Variants in TRMT11 observed in about 807,000 individuals in gnomAD.
TRMT11 encodes the protein tRNA (guanine(10)-N(2))-methyltransferase TRMT11.
Under a neutral mutation model 62.8 loss-of-function variants are expected in TRMT11, and 53 were observed. The ratio of observed to expected loss-of-function variants is 0.84; its 90% CI spans 0.68 to 1.06. The LOEUF (loss-of-function observed/expected upper bound fraction) is 1.06, where lower values mean the gene tolerates loss of function less well. TRMT11 is among the 50% of genes least tolerant of loss of function. The pLI, the probability that TRMT11 is intolerant of heterozygous loss-of-function variation, is 0.00. For synonymous variants in TRMT11, 188 were observed against 190.3 expected, an observed-to-expected ratio of 0.99 and a Z score of 0.10; for missense variants, 556 against 553.4, an observed-to-expected ratio of 1.00 and a Z score of -0.05.
intron 12 of TRMT11, among the ~76,000 whole-genome samples, chr6:126,037,643 T>C (rs571736819): frequency 6.6e-6 from 1 of 152,182 alleles, no homozygotes; most frequent in Admixed American, 6.6e-5. Flanking sequence ...TAAAAATATA[T>C]GTGGCAAAAA....
the TRMT11 span, among the ~76,000 whole-genome samples, chr6:126,256,104 A>C: frequency 6.6e-6 from 1 of 152,190 alleles, no homozygotes; most frequent in Non-Finnish European, 1.5e-5. Context: ...CATGACCTAC[A>C]GGCTGGTGCT....
chr6:126,122,098 T>C (rs2128197637), intron 21 of TRMT11, among the ~76,000 whole-genome samples: 1 of 152,124 alleles, frequency 6.6e-6, no homozygotes, highest in East Asian at 1.9e-4. Flanking sequence ...TAAAGGGGCG[T>C]TCCCCTGCAC....
At chr6:126,092,736 T>G (rs1300536528) in intron 17 of TRMT11, among the ~76,000 whole-genome samples, 1 of 152,238 alleles carries the variant, frequency 6.6e-6, no homozygotes, top group East Asian at 1.9e-4. Flanking sequence ...CAATTGCAAC[T>G]TCTGCATTTG....
At chr6:126,021,087 A>G in intron 11 of TRMT11, 73 bp from the exon 12 acceptor site, 1 of 1,581,016 alleles carries the variant, frequency 6.3e-7, no homozygotes, top group Non-Finnish European at 8.7e-7. Flanking sequence ...CCCACACTAC[A>G]CTGGACGATC....
intron 21 of TRMT11, among the ~76,000 whole-genome samples, chr6:126,163,632 A>G (rs1778223794): frequency 6.6e-6 from 1 of 152,214 alleles, no homozygotes; most frequent in Admixed American, 6.5e-5. Flanking sequence ...GAATGGTACC[A>G]GCTCCTCTTT....
intron 21 of TRMT11, among the ~76,000 whole-genome samples, chr6:126,141,545 C>G (rs757134123): frequency 1.3e-5 from 2 of 152,080 alleles, no homozygotes; most frequent in Non-Finnish European, 2.9e-5. Context: ...TCCAAGTCCA[C>G]CAAGCCTGGC....
At chr6:126,267,082 T>G in the TRMT11 span, among the ~76,000 whole-genome samples, 1 of 152,186 alleles carries the variant, frequency 6.6e-6, no homozygotes, top group African/African-American at 2.4e-5. Flanking sequence ...GTCTGCCCAT[T>G]GCTAGTGTGG....
chr6:126,143,595 A>G (rs935300716), intron 21 of TRMT11, among the ~76,000 whole-genome samples: 6 of 152,190 alleles, frequency 3.9e-5, no homozygotes, highest in Admixed American at 3.9e-4. Flanking sequence ...TCTGAACAAT[A>G]GAACTAATTT....
chr6:126,035,296 TG>T (rs2128062561), intron 12 of TRMT11, among the ~76,000 whole-genome samples: 1 of 152,234 alleles, frequency 6.6e-6, no homozygotes, highest in South Asian at 2.1e-4. Context: ...CCAAAGTCCT[TG>T]GAATGTCTTA....
chr6:126,125,329 C>T (rs1777704172), intron 21 of TRMT11, among the ~76,000 whole-genome samples: 1 of 151,802 alleles, frequency 6.6e-6, no homozygotes, highest in African/African-American at 2.4e-5. Flanking sequence ...CATGTTTAGC[C>T]AGAAATGTCT....
intron 17 of TRMT11, among the ~76,000 whole-genome samples, chr6:126,107,286 T>C (rs1165396505): frequency 6.6e-6 from 1 of 152,212 alleles, no homozygotes; most frequent in African/African-American, 2.4e-5. Flanking sequence ...GCAATTATAA[T>C]ACAGCACACT....
At chr6:126,086,689 T>C (rs1244787274) in intron 17 of TRMT11, among the ~76,000 whole-genome samples, 1 of 152,192 alleles carries the variant, frequency 6.6e-6, no homozygotes, top group Non-Finnish European at 1.5e-5. Flanking sequence ...TGGCATTGCA[T>C]ACTAGGTCTT....
At chr6:126,170,254 T>G (rs1004635037) in intron 21 of TRMT11, among the ~76,000 whole-genome samples, 3 of 152,294 alleles carry the variant, frequency 2.0e-5, no homozygotes, top group African/African-American at 7.2e-5. Context: ...TTACCATGCA[T>G]TCATACCTCC....
At chr6:126,176,253 C>A (rs1265492973), upstream of TRMT11, among the ~76,000 whole-genome samples, 1 of 152,160 alleles carries the variant, frequency 6.6e-6, no homozygotes, top group Non-Finnish European at 1.5e-5. Context: ...CAACTGCTAG[C>A]CCCTGGTTAA....
chr6:125,986,808 C>G, intron 1 of TRMT11, 186 bp downstream of exon 1: 1 of 585,612 alleles, frequency 1.7e-6, no homozygotes, highest in Non-Finnish European at 3.0e-6. Context: ...GAGAGAAGTC[C>G]GAGACCAAAC....
the TRMT11 span, among the ~76,000 whole-genome samples, chr6:126,239,336 TG>T: frequency 6.6e-6 from 1 of 152,216 alleles, no homozygotes; most frequent in Non-Finnish European, 1.5e-5. Flanking sequence ...GTTTTTGCAG[TG>T]GCTGGTACCG....
chr6:125,999,537 TG>T lies in TRMT11; in HGVS notation c.605del (p.Gly202ValfsTer12), dbSNP rs1232820593. The stretch of plus-strand genomic sequence containing the variant: ...TTATTGGAAATACAAGTATGGATGC[TG>T]GTTTGTCATTCATTATGGCTAACCA... The part of the protein sequence containing the change: ...HFIGNTSMDA[G>X]LSFIMANHGK... On this transcript the variant is annotated frameshift_variant, in exon 7 of 13. Coordinates refer to ENST00000334379, the MANE Select transcript of TRMT11 (RefSeq NM_001031712.3). LOFTEE classifies it high-confidence loss of function. The T allele has an allele frequency of 6.2e-7, 1 of 1,612,466 alleles. No homozygotes were observed. The highest frequency in any genetic ancestry group is 8.5e-7 in the Non-Finnish European group (1 of 1,178,966).
chr6:125,989,624 G>C (rs1790273134), intron 1 of TRMT11, among the ~76,000 whole-genome samples: 1 of 152,158 alleles, frequency 6.6e-6, no homozygotes, highest in Non-Finnish European at 1.5e-5. Flanking sequence ...TGGTTAGACT[G>C]TGGTCTCCAG....
intron 21 of TRMT11, among the ~76,000 whole-genome samples, chr6:126,165,567 C>A (rs1778248151): frequency 6.6e-6 from 1 of 152,136 alleles, no homozygotes; most frequent in South Asian, 2.1e-4. Flanking sequence ...ATATGAAATT[C>A]TGGGTTGAAA....
Sources: gnomAD v4.1 joint callset for allele counts (sites outside exome capture counted in the v4.1 genomes callset) on GRCh38, gnomAD v4.1.1 for gene constraint, MANE v1.5 for transcripts, NCBI Gene and HGNC (gene_info 2026-07-23, HGNC 2026-07-21) for gene names.